The following CUBN variants were observed in gnomAD, a reference collection of about 807,000 sequenced individuals.
CUBN encodes cubilin, also known as 460 kDa receptor.
CUBN carries 282 observed loss-of-function variants against 405.3 expected under a neutral mutation model. The ratio of observed to expected loss-of-function variants is 0.70; its 90% CI spans 0.63 to 0.77. The LOEUF (loss-of-function observed/expected upper bound fraction) is 0.77. Among genes scored for constraint, CUBN ranks in the 30% least tolerant of loss-of-function variants. CUBN has a pLI of 0.00. For missense variants in CUBN, 4,514 were observed against 4,475.2 expected, an observed-to-expected ratio of 1.01 and a Z score of -0.25; for synonymous variants, 1,684 against 1,617.0, an observed-to-expected ratio of 1.04 and a Z score of -0.99.
intron 4 of CUBN, 102 bp from the exon 5 acceptor site, chr10:17,123,791 G>T (rs931927544): frequency 1.3e-6 from 1 of 760,070 alleles, no homozygotes; most frequent in East Asian, 2.6e-5. Context: ...TAATCAGTGG[G>T]GGTCTCCTTC....
rs1328888943 is a variant in CUBN at position 16,906,375 on chromosome 10, T to A, written c.7740A>T (p.Gly2580=). 6.2e-7 allele frequency: 1 copy of A among 1,614,020 alleles called. No homozygotes were observed. Among genetic ancestry groups the A allele is most frequent in the Non-Finnish European group, 8.5e-7 (1 of 1,179,898 alleles). ...CGGSLPNTPE[G]NFTSPGYDGV... ...CGTCATAGCCAGGAGAAGTAAAGTTTCCTTCAGGAGTATTTGGAAGAGACC... is the reference window on the plus strand; with the variant it reads ...CGTCATAGCCAGGAGAAGTAAAGTTACCTTCAGGAGTATTTGGAAGAGACC... Residue 2580 remains glycine, a synonymous_variant, in exon 50 of 67, where the codon GGA becomes GGT. Coordinates refer to ENST00000377833, the MANE Select transcript of CUBN (RefSeq NM_001081.4).
chr10:16,838,109 C>T (rs56290621), intron 62 of CUBN, among the ~76,000 whole-genome samples: 1,965 of 152,316 alleles, frequency 0.013, 19 homozygotes, highest in Non-Finnish European at 0.021. Context: ...AATCTAGCAT[C>T]TTGTCCACCT....
At chr10:16,875,831 T>C (rs556659445) in intron 57 of CUBN, among the ~76,000 whole-genome samples, 2 of 152,352 alleles carry the variant, frequency 1.3e-5, no homozygotes, top group South Asian at 2.1e-4. Flanking sequence ...AGAAGAAGAA[T>C]ATAAAGCAGG....
intron 55 of CUBN, among the ~76,000 whole-genome samples, chr10:16,889,915 G>C (rs188951153): frequency 1.7e-5 from 2 of 118,826 alleles, no homozygotes; most frequent in Non-Finnish European, 1.6e-5. Flanking sequence ...CCAGCCTGGC[G>C]ACAGAGTGAG....
At chr10:16,993,194 C>G (rs1183491361) in intron 28 of CUBN, among the ~76,000 whole-genome samples, 1 of 152,004 alleles carries the variant, frequency 6.6e-6, no homozygotes, top group African/African-American at 2.4e-5. Flanking sequence ...AATAAATTAT[C>G]CAATGGAAAA....
intron 50 of CUBN, among the ~76,000 whole-genome samples, chr10:16,905,317 C>G (rs1315916555): frequency 6.6e-6 from 1 of 152,174 alleles, no homozygotes; most frequent in Non-Finnish European, 1.5e-5. Context: ...GATTCATCCT[C>G]TTTGAATACA....
Position 16,928,159 on chromosome 10 carries a change from T to C in CUBN, c.6269A>G (p.Lys2090Arg), listed in dbSNP as rs1842245657. 1 of 1,613,566 alleles carries C rather than the reference T, an allele frequency of 6.2e-7. No individual in the cohort carries two copies. Among genetic ancestry groups the C allele is most frequent in the Non-Finnish European group, 8.5e-7 (1 of 1,179,672 alleles). Residue 2090 changes from lysine to arginine, a missense_variant and splice_region_variant, in exon 41 of 67, where the codon AAG becomes AGG. Lys to Arg is a conservative substitution (Grantham distance 26). Around this residue, in one of 5 missense-constraint regions of CUBN, gnomAD observed 1,613 missense variants for 1,542.8 expected, o/e 1.05. Transcript: ENST00000377833. ...TRAGFNASFH[K>R]SCGGYLHADR... ...TAAAAAATATTTGAACTCATTACTCTTGTGAAAGGATGCATTGAAGCCTGC... is the reference window on the plus strand; with the variant it reads ...TAAAAAATATTTGAACTCATTACTCCTGTGAAAGGATGCATTGAAGCCTGC...
intron 52 of CUBN, 63 bp from the exon 53 acceptor site, chr10:16,900,913 C>A (rs933010338): frequency 9.3e-7 from 1 of 1,079,678 alleles, no homozygotes; most frequent in Non-Finnish European, 1.4e-6. Context: ...AAGATAAGGC[C>A]CTTACAAATC....
intron 59 of CUBN, among the ~76,000 whole-genome samples, chr10:16,865,039 G>A (rs1840137224): frequency 7.2e-6 from 1 of 138,762 alleles, no homozygotes; most frequent in Non-Finnish European, 1.5e-5. Flanking sequence ...TGGGTCACTG[G>A]GTCACTGCAA....
chr10:16,827,911 T>G (rs1838836560), intron 66 of CUBN, among the ~76,000 whole-genome samples: 1 of 152,238 alleles, frequency 6.6e-6, no homozygotes, highest in Non-Finnish European at 1.5e-5. Context: ...AGTATCTACT[T>G]GCACATCAAA....
rs34414528 is a variant in CUBN, at chr10:17,127,264, C to CTTTTTT, written c.349-471_349-466dup. 3.4e-4 allele frequency among the ~76,000 whole-genome samples: 28 copies of CTTTTTT among 82,826 alleles called. 1 individual carries two copies. The highest frequency in any genetic ancestry group is 7.1e-4 in the African/African-American group (13 of 18,388). The allele number at this position is 82,826 out of a possible 152,430, so 54.3% of individuals were successfully genotyped here. A position where few individuals can be genotyped will look rare whatever the true frequency, so the allele number is the denominator to read the frequency against. ...TCTTTCTGTCTCTCTCTCTCTCTTT[C>CTTTTTT]TTTTTTTTTTTTTTTTTTTCTGGCA... On this transcript the variant is annotated intron_variant, in intron 3 of 66. Transcript: ENST00000377833.
intron 58 of CUBN, among the ~76,000 whole-genome samples, chr10:16,873,109 G>T (rs1398804657): frequency 6.6e-6 from 1 of 152,078 alleles, no homozygotes; most frequent in Non-Finnish European, 1.5e-5. Flanking sequence ...AGGGGAGGTA[G>T]GTAGGTAGGT....
In CUBN at chr10:16,840,553, A is replaced by G; in HGVS notation, c.9827-18T>C. Reference sequence around the variant, plus strand: ...ACAAGGCACTGGAGAGGGAGGAAAAAGCAACACAGGAGACATTTTATTCAT... The same window carrying G: ...ACAAGGCACTGGAGAGGGAGGAAAAGGCAACACAGGAGACATTTTATTCAT... On this transcript the variant is annotated intron_variant, in intron 61 of 66. Coordinates refer to ENST00000377833, the MANE Select transcript of CUBN (RefSeq NM_001081.4). 6.5e-7 allele frequency: 1 copy of G among 1,549,680 alleles called. No individual in the cohort carries two copies. The highest frequency in any genetic ancestry group is 2.3e-5 in the East Asian group (1 of 42,662).
At chr10:17,017,187 C>T (rs2046248693) in intron 28 of CUBN, among the ~76,000 whole-genome samples, 1 of 152,138 alleles carries the variant, frequency 6.6e-6, no homozygotes, top group Admixed American at 6.5e-5. Context: ...GCCCAAGAAC[C>T]CGCAACAGTC....
At chr10:17,121,959 GAAAGACAC>G (rs1837052692) in intron 6 of CUBN, 1 of 152,140 alleles carries the variant, frequency 6.6e-6, no homozygotes, top group African/African-American at 2.4e-5. Context: ...AAACTATAAG[GAAAGACAC>G]TGTCTAGTTT....
At chr10:17,125,105 T>C (rs1005929236) in intron 4 of CUBN, among the ~76,000 whole-genome samples, 2 of 152,156 alleles carry the variant, frequency 1.3e-5, no homozygotes, top group Non-Finnish European at 2.9e-5. Flanking sequence ...GTGCTGGGAT[T>C]ACAGGCGTGA....
rs374417889 is a variant in CUBN, at chr10:16,933,123, G to C, written c.6088C>G (p.Arg2030Gly). The change falls in exon 40 of 67, where the codon CGA (arginine) becomes GGA (glycine). Residue 2030 changes from arginine (R) to glycine (G), a missense_variant. Coordinates refer to ENST00000377833, the MANE Select transcript of CUBN (RefSeq NM_001081.4). Reference protein sequence around the residue: ...NILSLDIESHRTCAYDSLVIR... With the variant: ...NILSLDIESHGTCAYDSLVIR... ...ACAAGGCTATCATAGGCACACGTTC[G>C]GTGAGATTCAATGTCCAGGGAAAGA... is the stretch of plus-strand genomic sequence containing the variant. 3.1e-5 allele frequency: 50 copies of C among 1,613,880 alleles called. No individual in the cohort carries two copies. The highest frequency in any genetic ancestry group is 4.2e-5 in the Non-Finnish European group (49 of 1,180,004).
chr10:16,884,559 G>A (rs983847925), intron 56 of CUBN, among the ~76,000 whole-genome samples: 7 of 152,122 alleles, frequency 4.6e-5, no homozygotes, highest in Non-Finnish European at 8.8e-5. Flanking sequence ...GGAATGTCTA[G>A]TACTGGAAAT....
intron 13 of CUBN, among the ~76,000 whole-genome samples, chr10:17,101,237 C>A (rs1199657890): frequency 1.3e-5 from 2 of 151,920 alleles, no homozygotes; most frequent in Non-Finnish European, 2.9e-5. Context: ...ATATTATGTC[C>A]ATTATGAGTG....
Sources: allele counts gnomAD v4.1 joint callset (sites outside exome capture counted in the v4.1 genomes callset), GRCh38; gene constraint gnomAD v4.1.1; regional missense constraint gnomAD v4.1.1; transcripts MANE v1.5; gene names NCBI Gene and HGNC (gene_info 2026-07-23, HGNC 2026-07-21).